EYS: variants seen among roughly 807,000 people sequenced by gnomAD.
EYS encodes the protein protein eyes shut homolog.
A neutral mutation model predicts 282.1 loss-of-function variants in EYS; 250 were observed. That is an observed-to-expected ratio of 0.89 (90% CI 0.80 to 0.98). EYS has a LOEUF of 0.98. EYS is among the 50% of genes least tolerant of loss of function. The pLI, the probability that EYS is intolerant of heterozygous loss-of-function variation, is 0.00. For synonymous variants in EYS, 1,355 were observed against 1,282.9 expected (o/e 1.06, Z -1.20); for missense variants, 4,016 against 3,709.0 (o/e 1.08, Z -2.15).
At chr6:65,409,471 A>C (rs1312105356) in intron 5 of EYS, among the ~76,000 whole-genome samples, 2 of 152,160 alleles carry the variant, frequency 1.3e-5, no homozygotes, top group Non-Finnish European at 2.9e-5. Flanking sequence ...ATCTCTGTGA[A>C]CTTCTAGATT....
intron 33 of EYS, among the ~76,000 whole-genome samples, chr6:64,010,395 G>C (rs1385135333): frequency 8.4e-6 from 1 of 118,428 alleles, no homozygotes; most frequent in Non-Finnish European, 1.5e-5. Context: ...TGTTTGGTTG[G>C]GGGGGGGGGT....
At chr6:64,994,506 CTT>C (rs1281038455) in intron 14 of EYS, among the ~76,000 whole-genome samples, 1 of 152,064 alleles carries the variant, frequency 6.6e-6, no homozygotes, top group Non-Finnish European at 1.5e-5. Context: ...GCCGGTGACT[CTT>C]TAGGCAAATG....
chr6:63,908,379 C>A (rs1773836292), intron 35 of EYS, among the ~76,000 whole-genome samples: 1 of 151,956 alleles, frequency 6.6e-6, no homozygotes, highest in Non-Finnish European at 1.5e-5. Context: ...ATTAGTACAA[C>A]CTCTATGGAA....
Position 65,533,385 on chromosome 6 carries a change from A to G in EYS, c.-332-37392T>C, listed in dbSNP as rs1767852527. On this transcript the variant is annotated intron_variant, in intron 2 of 42. Coordinates refer to ENST00000503581, the MANE Select transcript of EYS (RefSeq NM_001142800.2). Reference sequence around the variant, plus strand: ...AAAGTCCAGGCCCAGACGGATTCACAGCAGAATTCTACCACAGGTACCAAG... The same window carrying G: ...AAAGTCCAGGCCCAGACGGATTCACGGCAGAATTCTACCACAGGTACCAAG... 2.0e-5 allele frequency among the ~76,000 whole-genome samples: 3 copies of G among 152,168 alleles called. No individual in the cohort carries two copies. The South Asian group carries it at 6.2e-4, about 31-fold the overall frequency.
At chr6:64,295,221 A>T (rs186184944) in intron 30 of EYS, among the ~76,000 whole-genome samples, 2,384 of 148,866 alleles carry the variant, frequency 0.016, 28 homozygotes, top group Middle Eastern at 0.041. Flanking sequence ...AAAAATATTT[A>T]AAAAATTAGC....
chr6:64,362,648 A>G (rs796270541), intron 29 of EYS, among the ~76,000 whole-genome samples: 1 of 151,996 alleles, frequency 6.6e-6, no homozygotes, highest in African/African-American at 2.4e-5. Context: ...TTATTAGAAT[A>G]GACCAAGAAT....
intron 29 of EYS, among the ~76,000 whole-genome samples, chr6:64,388,404 G>A (rs1348198208): frequency 1.3e-4 from 20 of 152,056 alleles, no homozygotes; most frequent in Admixed American, 1.3e-3. Context: ...AATCACACAT[G>A]CTAAATAGTA....
chr6:65,214,450 G>A (rs766519603), intron 12 of EYS, among the ~76,000 whole-genome samples: 8 of 152,134 alleles, frequency 5.3e-5, no homozygotes, highest in African/African-American at 7.2e-5. Context: ...CAGGGAAGGC[G>A]GGAGAGAGGT....
At chr6:63,976,261 A>G (rs1170547083) in intron 35 of EYS, among the ~76,000 whole-genome samples, 2 of 152,048 alleles carry the variant, frequency 1.3e-5, no homozygotes, top group Non-Finnish European at 2.9e-5. Flanking sequence ...CACTTAGTCT[A>G]TACTAAATTT....
rs1025451865 is a variant in EYS, at chr6:64,067,901, G to A, written c.6572-1410C>T. The stretch of plus-strand genomic sequence containing the variant: ...TTAAAATTTAATTACTGTTTCTAGT[G>A]TAGATAGACATTTTCCCCCTAGGCT... On this transcript the variant is annotated intron_variant, in intron 32 of 42. Transcript: ENST00000503581. 2.6e-5 allele frequency among the ~76,000 whole-genome samples: 4 copies of A among 152,058 alleles called. No individual in the cohort carries two copies. The East Asian group carries it at 5.8e-4, about 22-fold the overall frequency.
At chr6:64,347,303 A>C (rs1771444781) in intron 29 of EYS, among the ~76,000 whole-genome samples, 3 of 151,600 alleles carry the variant, frequency 2.0e-5, no homozygotes, top group Admixed American at 1.3e-4. Flanking sequence ...GAAACTAACT[A>C]GATATATGAT....
At chr6:64,301,409 A>G (rs1582562169) in intron 30 of EYS, among the ~76,000 whole-genome samples, 1 of 152,308 alleles carries the variant, frequency 6.6e-6, no homozygotes, top group Admixed American at 6.5e-5. Flanking sequence ...GACCCAGTCT[A>G]TTCAATTCAA....
At chr6:65,476,759 T>C (rs1254806604) in intron 5 of EYS, among the ~76,000 whole-genome samples, 2 of 152,114 alleles carry the variant, frequency 1.3e-5, no homozygotes, top group African/African-American at 2.4e-5. Context: ...ATATTTGTAG[T>C]AGAGACGGGG....
intron 26 of EYS, among the ~76,000 whole-genome samples, chr6:64,511,303 T>C (rs909622234): frequency 2.4e-5 from 3 of 126,380 alleles, no homozygotes; most frequent in South Asian, 2.3e-4. Context: ...ATATTTACAT[T>C]TATATAAGTT....
chr6:64,207,888 A>G (rs1296764673), intron 31 of EYS, among the ~76,000 whole-genome samples: 5 of 152,082 alleles, frequency 3.3e-5, no homozygotes, highest in African/African-American at 9.7e-5. Context: ...CGAACTCCTG[A>G]CCTCATGTGA....
intron 19 of EYS, among the ~76,000 whole-genome samples, chr6:64,831,830 T>C (rs748617469): frequency 3.3e-5 from 5 of 151,990 alleles, no homozygotes; most frequent in Non-Finnish European, 7.4e-5. Flanking sequence ...TTCACAAAAT[T>C]GCTAAGACAA....
At chr6:64,195,491 C>T (rs1489203217) in intron 31 of EYS, among the ~76,000 whole-genome samples, 6 of 152,008 alleles carry the variant, frequency 3.9e-5, no homozygotes, top group South Asian at 2.1e-4. Context: ...TTAGTAGAGA[C>T]GGGGTTTCAC....
chr6:64,840,695 GA>G (rs1374131244), intron 19 of EYS, among the ~76,000 whole-genome samples: 1 of 151,978 alleles, frequency 6.6e-6, no homozygotes, highest in East Asian at 1.9e-4. Flanking sequence ...TTTACTATAA[GA>G]AAAAAGAATG....
intron 10 of EYS, 67 bp from the exon 11 acceptor site, chr6:65,335,213 C>T (rs1562103347): frequency 1.7e-6 from 2 of 1,152,844 alleles, no homozygotes; most frequent in Non-Finnish European, 2.6e-6. Context: ...ACAATTGTGA[C>T]CTGAGAGATC....
Sources: gnomAD v4.1 joint callset for allele counts (sites outside exome capture counted in the v4.1 genomes callset) on GRCh38, gnomAD v4.1.1 for gene constraint, MANE v1.5 for transcripts, NCBI Gene and HGNC (gene_info 2026-07-23, HGNC 2026-07-21) for gene names.